The following ARHGAP44 variants were observed in gnomAD, a reference collection of about 807,000 sequenced individuals.
The protein encoded by ARHGAP44 is rho GTPase-activating protein 44.
A neutral mutation model predicts 106.8 loss-of-function variants in ARHGAP44; 43 were observed. The ratio of observed to expected loss-of-function variants is 0.40; its 90% CI spans 0.32 to 0.52. The LOEUF (loss-of-function observed/expected upper bound fraction) is 0.52, where lower values mean the gene tolerates loss of function less well. Ranked by LOEUF, ARHGAP44 falls within the 20% of genes least tolerant of loss-of-function variation. The probability of loss-of-function intolerance (pLI) is 0.48; values close to 1 mark genes in which losing one functional copy is unlikely to be tolerated. For synonymous variants in ARHGAP44, 439 were observed against 410.3 expected, an observed-to-expected ratio of 1.07 and a Z score of -0.85; for missense variants, 866 against 1,050.5, an observed-to-expected ratio of 0.82 and a Z score of 2.43.
intron 1 of ARHGAP44, among the ~76,000 whole-genome samples, chr17:12,849,397 G>A (rs1345058034): frequency 6.6e-6 from 1 of 151,960 alleles, no homozygotes; most frequent in Admixed American, 6.6e-5. Context: ...TTTGTGCCTG[G>A]TATTTTGAAT....
At chr17:12,976,703 G>C (rs1346410519) in intron 18 of ARHGAP44, among the ~76,000 whole-genome samples, 1 of 152,084 alleles carries the variant, frequency 6.6e-6, no homozygotes, top group Non-Finnish European at 1.5e-5. Context: ...ATAGGAGGGG[G>C]CACCTGACCC....
intron 1 of ARHGAP44, among the ~76,000 whole-genome samples, chr17:12,835,178 A>G (rs1179719199): frequency 6.6e-6 from 1 of 152,186 alleles, no homozygotes; most frequent in African/African-American, 2.4e-5. Context: ...TTCGTATCAA[A>G]TCTTGGGGAA....
intron 8 of ARHGAP44, among the ~76,000 whole-genome samples, chr17:12,943,045 T>G (rs1281281909): frequency 6.6e-6 from 1 of 152,228 alleles, no homozygotes; most frequent in East Asian, 1.9e-4. Flanking sequence ...ATCTCATAAG[T>G]AAATTATTTT....
chr17:12,824,233 A>G (rs182358271), intron 1 of ARHGAP44, among the ~76,000 whole-genome samples: 1 of 152,134 alleles, frequency 6.6e-6, no homozygotes, highest in South Asian at 2.1e-4. Context: ...TGAGCTGCAC[A>G]TGGTCAATCC....
In ARHGAP44 at chr17:12,974,294, G is replaced by A. The variant is rs1199375067; in HGVS notation, c.1747G>A (p.Gly583Arg). The A allele has an allele frequency of 4.2e-6, 6 of 1,439,870 alleles. No individual in the cohort carries two copies. The highest frequency in any genetic ancestry group is 5.4e-6 in the Non-Finnish European group (6 of 1,103,836). The allele number at this position is 1,439,870 out of a possible 1,614,324, so 89.2% of individuals were successfully genotyped here. A position where few individuals can be genotyped will look rare whatever the true frequency, so the allele number is the denominator to read the frequency against. The change falls in exon 18 of 21, where the codon GGG becomes AGG. Residue 583 changes from glycine (G) to arginine (R), a missense_variant. By Grantham distance (125) the Gly-to-Arg change is moderately radical (BLOSUM62 -2). Coordinates refer to ENST00000379672, the MANE Select transcript of ARHGAP44 (RefSeq NM_014859.6). Reference protein sequence around the residue: ...LSPSGLGLQPGPERTSTTKSK... With the variant: ...LSPSGLGLQPRPERTSTTKSK... ...TCCATCCGGCCTGGGCCTCCAGCCT[G>A]GGCCCGAGCGCACCAGGTAAGCGCG... is the stretch of plus-strand genomic sequence containing the variant.
intron 16 of ARHGAP44, among the ~76,000 whole-genome samples, chr17:12,960,365 A>C (rs1469111682): frequency 6.6e-6 from 1 of 152,024 alleles, no homozygotes; most frequent in African/African-American, 2.4e-5. Flanking sequence ...CAGGTGTTCG[A>C]GACCAGCCTG....
intron 3 of ARHGAP44, among the ~76,000 whole-genome samples, chr17:12,900,688 T>C (rs1348787252): frequency 6.6e-6 from 1 of 152,082 alleles, no homozygotes; most frequent in Non-Finnish European, 1.5e-5. Flanking sequence ...CTGCAGAAGC[T>C]CACCACCCAG....
At position 12,789,903 on chromosome 17, in the gene ARHGAP44, G is replaced by T; in HGVS notation, c.53+12G>T. 1 of 1,515,306 alleles carries T rather than the reference G, an allele frequency of 6.6e-7. No individual in the cohort carries two copies. Among genetic ancestry groups the T allele is most frequent in the Non-Finnish European group, 8.8e-7 (1 of 1,133,668 alleles). 93.9% of individuals were successfully genotyped at this position (1,515,306 alleles called of 1,614,324 possible). ...CAGACGGTGGGCAGGTAGGTCACCCGCGGGCACCGCTGTCGGTGCGCGCCC... is the reference window on the plus strand; with the variant it reads ...CAGACGGTGGGCAGGTAGGTCACCCTCGGGCACCGCTGTCGGTGCGCGCCC... On this transcript the variant is annotated intron_variant, in intron 1 of 20. Coordinates refer to ENST00000379672, the MANE Select transcript of ARHGAP44 (RefSeq NM_014859.6).
intron 1 of ARHGAP44, among the ~76,000 whole-genome samples, chr17:12,870,214 A>G (rs956358581): frequency 1.3e-5 from 2 of 151,704 alleles, no homozygotes; most frequent in Non-Finnish European, 2.9e-5. Flanking sequence ...ACACCCAGCT[A>G]ATTTTTGTAT....
intron 1 of ARHGAP44, among the ~76,000 whole-genome samples, chr17:12,865,472 C>T (rs1360529761): frequency 6.6e-6 from 1 of 152,098 alleles, no homozygotes; most frequent in Admixed American, 6.5e-5. Context: ...GAAATCTCAA[C>T]AAGCCGAAAG....
intron 1 of ARHGAP44, among the ~76,000 whole-genome samples, chr17:12,842,235 AC>A (rs771013373): frequency 5.9e-5 from 9 of 151,712 alleles, no homozygotes; most frequent in Non-Finnish European, 1.0e-4. Flanking sequence ...ACATAGTGAG[AC>A]CCCATCTATA....
At chr17:12,962,358 T>C (rs1339020589) in intron 16 of ARHGAP44, among the ~76,000 whole-genome samples, 6 of 152,150 alleles carry the variant, frequency 3.9e-5, no homozygotes, top group Non-Finnish European at 7.3e-5. Context: ...GTTCAGGAGC[T>C]TACATATACA....
intron 1 of ARHGAP44, among the ~76,000 whole-genome samples, chr17:12,886,914 T>A (rs1016897898): frequency 1.9e-4 from 29 of 151,860 alleles, no homozygotes; most frequent in Non-Finnish European, 1.2e-4. Flanking sequence ...TTTTCATATA[T>A]GTTATTTATG....
intron 1 of ARHGAP44, among the ~76,000 whole-genome samples, chr17:12,887,259 G>A (rs1230244762): frequency 1.3e-5 from 2 of 152,068 alleles, no homozygotes; most frequent in South Asian, 2.1e-4. Flanking sequence ...ACAGGGCCTT[G>A]CTCTGCTCTC....
chr17:12,925,319 C>A (rs1251203224), intron 6 of ARHGAP44, among the ~76,000 whole-genome samples: 1 of 152,130 alleles, frequency 6.6e-6, no homozygotes, highest in Non-Finnish European at 1.5e-5. Flanking sequence ...CTCACCTGGG[C>A]CACTCACTGC....
chr17:12,904,207 A>G (rs946492790), intron 3 of ARHGAP44, among the ~76,000 whole-genome samples: 5 of 152,192 alleles, frequency 3.3e-5, no homozygotes, highest in Middle Eastern at 6.8e-3. Flanking sequence ...CCCAGGTTCA[A>G]GCGATTCTCC....
chr17:12,819,028 G>T (rs2150792688), intron 1 of ARHGAP44, among the ~76,000 whole-genome samples: 1 of 152,138 alleles, frequency 6.6e-6, no homozygotes, highest in Non-Finnish European at 1.5e-5. Context: ...TTACAGTAAA[G>T]CTACTATGAA....
At chr17:12,863,901 G>A (rs1004858905) in intron 1 of ARHGAP44, among the ~76,000 whole-genome samples, 1 of 152,200 alleles carries the variant, frequency 6.6e-6, no homozygotes, top group African/African-American at 2.4e-5. Flanking sequence ...ATTTGGAGTT[G>A]TGTTCGCTCA....
At chr17:12,966,432 T>G (rs1281822755) in intron 16 of ARHGAP44, among the ~76,000 whole-genome samples, 4 of 152,184 alleles carry the variant, frequency 2.6e-5, no homozygotes, top group Non-Finnish European at 4.4e-5. Flanking sequence ...TTATGTGTAC[T>G]GGAGAGGTTA....
Sources: allele counts gnomAD v4.1 joint callset (sites outside exome capture counted in the v4.1 genomes callset), GRCh38; gene constraint gnomAD v4.1.1; transcripts MANE v1.5; gene names NCBI Gene and HGNC (gene_info 2026-07-23, HGNC 2026-07-21).